The following MDGA2 variants were observed in gnomAD, a reference collection of about 807,000 sequenced individuals.
MDGA2 encodes the protein MAM domain containing glycosylphosphatidylinositol anchor 2, also known as MAM domain-containing glycosylphosphatidylinositol anchor protein 2.
Under a neutral mutation model 117.8 loss-of-function variants are expected in MDGA2, and 40 were observed. That is an observed-to-expected ratio of 0.34 (90% confidence interval 0.26 to 0.44). The LOEUF is 0.44. Ranked by LOEUF, MDGA2 falls within the 20% of genes least tolerant of loss-of-function variation. The pLI is 1.00. For missense variants in MDGA2, 1,123 were observed against 1,250.6 expected, an observed-to-expected ratio of 0.90 and a Z score of 1.54; for synonymous variants, 452 against 439.0, an observed-to-expected ratio of 1.03 and a Z score of -0.37.
chr14:47,107,230 C>T (rs1880753510), intron 5 of MDGA2, among the ~76,000 whole-genome samples: 1 of 152,100 alleles, frequency 6.6e-6, no homozygotes, highest in Admixed American at 6.5e-5. Flanking sequence ...TCACCTGCTA[C>T]AGCATGGCCT....
In MDGA2 at chr14:47,421,141, C is replaced by A. The variant is rs181589983; in HGVS notation, c.281-119591G>T. ...ACCCCTAATATAATCTAGGAACCTA[C>A]TCTCTGGGTCAGTTTGATGTAACGT... On this transcript the variant is annotated intron_variant, in intron 1 of 16. Transcript: ENST00000399232. Among the ~76,000 whole-genome samples the A allele has an allele frequency of 3.8e-4, 58 of 152,164 alleles. No homozygotes were observed. In the East Asian group the frequency reaches 0.011, roughly 28 times the overall value.
chr14:47,408,386 C>T (rs1487137161), intron 1 of MDGA2, among the ~76,000 whole-genome samples: 1 of 152,130 alleles, frequency 6.6e-6, no homozygotes, highest in Non-Finnish European at 1.5e-5. Context: ...TAGGCTCAAT[C>T]TAATCATATG....
chr14:47,330,472 A>T (rs990846260), intron 1 of MDGA2, among the ~76,000 whole-genome samples: 1 of 151,890 alleles, frequency 6.6e-6, no homozygotes, highest in Non-Finnish European at 1.5e-5. Context: ...CCATTAGAGG[A>T]AATAATCTAC....
intron 1 of MDGA2, among the ~76,000 whole-genome samples, chr14:47,560,499 T>C (rs1895778642): frequency 1.3e-5 from 2 of 152,242 alleles, no homozygotes; most frequent in Admixed American, 6.5e-5. Flanking sequence ...CATGTTTATG[T>C]CTTCTTTTGA....
At position 47,198,846 on chromosome 14, in the gene MDGA2, C is replaced by A. The variant is rs141029656; in HGVS notation, c.595+19175G>T. On this transcript the variant is annotated intron_variant, in intron 3 of 16. Coordinates refer to ENST00000399232, the MANE Select transcript of MDGA2 (RefSeq NM_001113498.3). ...AGGTTATGGTGCCCATTTGCCTAGT[C>A]AAACATTAGTACTTGGAAGTTATTG... is the stretch of plus-strand genomic sequence containing the variant. Among the ~76,000 whole-genome samples the A allele has an allele frequency of 2.6e-3, 399 of 152,188 alleles. 4 individuals are homozygous for A. Among genetic ancestry groups the A allele is most frequent in the African/African-American group, 9.0e-3 (375 of 41,508 alleles).
At chr14:46,891,038 G>A (rs535144359) in intron 10 of MDGA2, among the ~76,000 whole-genome samples, 1 of 151,910 alleles carries the variant, frequency 6.6e-6, no homozygotes, top group Admixed American at 6.6e-5. Context: ...CTGAAGTGAA[G>A]ATGAAAACAA....
chr14:47,098,009 C>T (rs1400046393), intron 5 of MDGA2, among the ~76,000 whole-genome samples: 1 of 151,774 alleles, frequency 6.6e-6, no homozygotes, highest in East Asian at 1.9e-4. Context: ...CACTGCCGTG[C>T]TAGCCTAAAT....
intron 1 of MDGA2, among the ~76,000 whole-genome samples, chr14:47,514,138 CGTTT>C (rs1255111710): frequency 6.6e-6 from 1 of 152,002 alleles, no homozygotes; most frequent in Admixed American, 6.6e-5. Context: ...GTTTTCAATT[CGTTT>C]GTTTTGTTTT....
intron 1 of MDGA2, among the ~76,000 whole-genome samples, chr14:47,426,956 T>G (rs1003840241): frequency 6.6e-6 from 1 of 152,000 alleles, no homozygotes; most frequent in Admixed American, 6.6e-5. Flanking sequence ...AGGAAAAATG[T>G]CTGGAAAGTA....
chr14:46,969,262 C>A (rs1038379895), intron 8 of MDGA2, among the ~76,000 whole-genome samples: 1 of 152,130 alleles, frequency 6.6e-6, no homozygotes, highest in Non-Finnish European at 1.5e-5. Context: ...TGGCTATATA[C>A]CCAGTAATGG....
At position 47,450,330 on chromosome 14, in the gene MDGA2, C is replaced by T. The variant is rs548354574; in HGVS notation, c.281-148780G>A. ...CCTTTGAAACACATAAAATAGTATC[C>T]CCCAAGGCAAAGCAATCAGAAGAAA... On this transcript the variant is annotated intron_variant, in intron 1 of 16. Transcript: ENST00000399232. Among the ~76,000 whole-genome samples, 3 of 151,824 alleles carry T rather than the reference C, an allele frequency of 2.0e-5. No homozygotes were observed. The East Asian group carries it at 5.8e-4, about 30-fold the overall frequency.
intron 1 of MDGA2, among the ~76,000 whole-genome samples, chr14:47,509,970 T>C (rs1049182320): frequency 6.6e-6 from 1 of 152,164 alleles, no homozygotes; most frequent in Non-Finnish European, 1.5e-5. Context: ...GATGTTAATT[T>C]ATTTTGTGTA....
chr14:47,519,702 G>T (rs1566495870), intron 1 of MDGA2, among the ~76,000 whole-genome samples: 1 of 152,014 alleles, frequency 6.6e-6, no homozygotes. Context: ...ATCTTCTGGA[G>T]TCATCTTTTC....
At chr14:47,486,081 T>A (rs2416087) in intron 1 of MDGA2, among the ~76,000 whole-genome samples, 1 of 151,882 alleles carries the variant, frequency 6.6e-6, no homozygotes, top group Non-Finnish European at 1.5e-5. Context: ...ACAGCCTGCA[T>A]CATGCGCCTG....
intron 10 of MDGA2, among the ~76,000 whole-genome samples, chr14:46,892,976 C>T (rs1013523404): frequency 3.3e-5 from 5 of 151,832 alleles, no homozygotes; most frequent in Admixed American, 1.3e-4. Flanking sequence ...CATCGAACTA[C>T]CATATGACCC....
chr14:47,598,404 C>T (rs1261618423), intron 1 of MDGA2, among the ~76,000 whole-genome samples: 1 of 151,962 alleles, frequency 6.6e-6, no homozygotes, highest in Non-Finnish European at 1.5e-5. Context: ...TTCACAATAG[C>T]CAAATGTTGA....
At chr14:47,065,274 A>T (rs1594582819) in intron 6 of MDGA2, among the ~76,000 whole-genome samples, 1 of 152,264 alleles carries the variant, frequency 6.6e-6, no homozygotes, top group East Asian at 1.9e-4. Flanking sequence ...TTGCAAGGAC[A>T]TTCTAATTGC....
intron 3 of MDGA2, among the ~76,000 whole-genome samples, chr14:47,167,170 A>T (rs80065058): frequency 6.8e-6 from 1 of 147,962 alleles, no homozygotes; most frequent in East Asian, 2.0e-4. Flanking sequence ...GACCATCCAT[A>T]TTTTTTTTTT....
At chr14:46,931,184 C>A (rs964175109) in intron 9 of MDGA2, among the ~76,000 whole-genome samples, 2 of 139,050 alleles carry the variant, frequency 1.4e-5, no homozygotes, top group Non-Finnish European at 3.0e-5. Context: ...CACTACACTC[C>A]AGCATGGGTG....
Sources: gnomAD v4.1 joint callset for allele counts (sites outside exome capture counted in the v4.1 genomes callset) on GRCh38, gnomAD v4.1.1 for gene constraint, MANE v1.5 for transcripts, NCBI Gene and HGNC (gene_info 2026-07-23, HGNC 2026-07-21) for gene names.